The following SCRIB variants were observed in gnomAD, a reference collection of about 807,000 sequenced individuals.
SCRIB encodes the protein protein scribble homolog.
Under a neutral mutation model 170.0 loss-of-function variants are expected in SCRIB, and 72 were observed. That is an observed-to-expected ratio of 0.42 (90% CI 0.35 to 0.52). The LOEUF (loss-of-function observed/expected upper bound fraction) is 0.52. Among genes scored for constraint, SCRIB ranks in the 20% least tolerant of loss-of-function variants. The probability of loss-of-function intolerance (pLI) is 0.02; values close to 1 mark genes in which losing one functional copy is unlikely to be tolerated. For missense variants in SCRIB, 2,475 were observed against 2,338.5 expected (o/e 1.06, Z -1.20); for synonymous variants, 1,298 against 1,044.3 (o/e 1.24, Z -4.68).
rs147900140 is a variant in SCRIB, at chr8:143,809,258, G to C, written c.1699-233C>G. ...GGTGGAAACGAAGGGGTGCGCCAAG[G>C]CCTCACACCAGGGAGCCCACGGGGG... On this transcript the variant is annotated intron_variant, in intron 14 of 36. Coordinates refer to ENST00000356994, the MANE Select transcript of SCRIB (RefSeq NM_182706.5). Among the ~76,000 whole-genome samples, 37 of 152,212 alleles carry C rather than the reference G, an allele frequency of 2.4e-4. 1 individual carries two copies. In the East Asian group the frequency reaches 7.0e-3, roughly 29 times the overall value.
At chr8:143,792,669 G>C in intron 30 of SCRIB, 34 bp from the exon 31 acceptor site, 1 of 1,591,742 alleles carries the variant, frequency 6.3e-7, no homozygotes, top group Non-Finnish European at 8.5e-7. Context: ...GGCCAGACCA[G>C]CCGAGACCCA....
rs1816067571 is a variant in SCRIB, at chr8:143,815,709, T to C, written c.-337A>G. Reference sequence around the variant, plus strand: ...CGCTGTGCCGCACCGGAACCGCCGCTGCCCGCCGGACTGCCCCGCCGACAC... The same window carrying C: ...CGCTGTGCCGCACCGGAACCGCCGCCGCCCGCCGGACTGCCCCGCCGACAC... On this transcript the variant is annotated 5_prime_UTR_variant, in exon 1 of 37. Transcript: ENST00000356994. The C allele has an allele frequency of 2.0e-6, 2 of 982,836 alleles. No individual in the cohort carries two copies. The highest frequency in any genetic ancestry group is 1.2e-4 in the Admixed American group (2 of 16,076). 60.9% of individuals were successfully genotyped at this position (982,836 alleles called of 1,614,324 possible). A position where few individuals can be genotyped will look rare whatever the true frequency, so the allele number is the denominator to read the frequency against.
At position 143,804,656 on chromosome 8, in the gene SCRIB, A is replaced by T; in HGVS notation, c.2921T>A (p.Ile974Lys). Residue 974 changes from isoleucine to lysine, a missense_variant, in exon 21 of 37, where the codon ATA (isoleucine) becomes AAA (lysine). This residue lies in a region of SCRIB where 1,966 missense variants were observed against 1,742.9 expected (regional missense o/e 1.13). Coordinates refer to ENST00000356994, the MANE Select transcript of SCRIB (RefSeq NM_182706.5). ...AGGCACCCCGGGGGTGGCAGTGGTT[A>T]TGCTGGTGGTGGCAACAGCAGCGGT... ...PPTAAVATTS[I>K]TTATPGVPGL... The T allele has an allele frequency of 6.5e-7, 1 of 1,545,514 alleles. No homozygotes were observed. Among genetic ancestry groups the T allele is most frequent in the African/African-American group, 1.4e-5 (1 of 73,248 alleles).
Position 143,809,126 on chromosome 8 carries a change from C to T in SCRIB, c.1699-101G>A, listed in dbSNP as rs1313670249. ...GGCCACAGACGGGCTCCGAAAGCCTCCCCGCCACACAAAGACTCAGCACTA... is the reference window on the plus strand; with the variant it reads ...GGCCACAGACGGGCTCCGAAAGCCTTCCCGCCACACAAAGACTCAGCACTA... On this transcript the variant is annotated intron_variant, in intron 14 of 36. Coordinates refer to ENST00000356994, the MANE Select transcript of SCRIB (RefSeq NM_182706.5). The T allele has an allele frequency of 1.1e-5, 16 of 1,428,966 alleles. No individual in the cohort carries two copies. The South Asian group carries it at 2.2e-4, about 20-fold the overall frequency. The allele number at this position is 1,428,966 out of a possible 1,614,324, so 88.5% of individuals were successfully genotyped here.
chr8:143,814,479 C>T (rs781167769), intron 1 of SCRIB, among the ~76,000 whole-genome samples: 15 of 152,106 alleles, frequency 9.9e-5, no homozygotes, highest in Non-Finnish European at 1.9e-4. Context: ...GCTACTGCAT[C>T]CTGACAACAA....
At position 143,792,802 on chromosome 8, in the gene SCRIB, A is replaced by C; in HGVS notation, c.4083T>G (p.Phe1361Leu). ...CCTGGGGCACGCGCACCTCCAGCTC[A>C]AAGTACTTCTGCCGCTCCCGGAAGG... is the stretch of plus-strand genomic sequence containing the variant. Reference protein sequence around the residue: ...QLSFRERQKYFELEVRVPQAE... With the variant: ...QLSFRERQKYLELEVRVPQAE... Residue 1361 changes from phenylalanine (F) to leucine (L), a missense_variant, in exon 30 of 37, where the codon TTT becomes TTG. Around this residue, in one of 3 missense-constraint regions of SCRIB, gnomAD observed 1,966 missense variants for 1,742.9 expected, o/e 1.13. Coordinates refer to ENST00000356994, the MANE Select transcript of SCRIB (RefSeq NM_182706.5). 6.4e-7 allele frequency: 1 copy of C among 1,566,106 alleles called. No homozygotes were observed. Among genetic ancestry groups the C allele is most frequent in the Non-Finnish European group, 8.6e-7 (1 of 1,158,034 alleles).
At chr8:143,796,853 T>C (rs1178412629) in intron 24 of SCRIB, among the ~76,000 whole-genome samples, 1 of 152,170 alleles carries the variant, frequency 6.6e-6, no homozygotes, top group Admixed American at 6.5e-5. Flanking sequence ...CGGCCTCTCA[T>C]GTCAGAGAGA....
At position 143,795,018 on chromosome 8, in the gene SCRIB, A is replaced by T; in HGVS notation, c.3846+20T>A. The T allele has an allele frequency of 6.2e-7, 1 of 1,604,986 alleles. No individual in the cohort carries two copies. On this transcript the variant is annotated intron_variant, in intron 27 of 36. Coordinates refer to ENST00000356994, the MANE Select transcript of SCRIB (RefSeq NM_182706.5). ...GGACAACAGGACGGAGGTGGGGGGCACTGCACACTGGGCACTCACCCTCTG... is the reference window on the plus strand; with the variant it reads ...GGACAACAGGACGGAGGTGGGGGGCTCTGCACACTGGGCACTCACCCTCTG...
intron 15 of SCRIB, 111 bp downstream of exon 15, chr8:143,808,498 C>A: frequency 7.5e-7 from 1 of 1,335,062 alleles, no homozygotes; most frequent in Non-Finnish European, 1.0e-6. Flanking sequence ...CCACCTTCTC[C>A]GGGTGGCCAG....
rs1264330178 is a variant in SCRIB at position 143,813,036 on chromosome 8, C to T, written c.636G>A (p.Leu212=). The change falls in exon 7 of 37, where the codon CTG becomes CTA. Residue 212 remains leucine (L), a synonymous_variant. Coordinates refer to ENST00000356994, the MANE Select transcript of SCRIB (RefSeq NM_182706.5). ...LWLDRNQLSA[L]PPELGNLRRL... ...CAGCCCCACCCTGACTCACCGGGGGCAGTGCTGACAGCTGGTTCCGGTCAA... is the reference window on the plus strand; with the variant it reads ...CAGCCCCACCCTGACTCACCGGGGGTAGTGCTGACAGCTGGTTCCGGTCAA... 8 of 1,598,032 alleles carry T rather than the reference C, an allele frequency of 5.0e-6. No homozygotes were observed. The highest frequency in any genetic ancestry group is 1.7e-4 in the Middle Eastern group (1 of 6,026).
intron 19 of SCRIB, 38 bp downstream of exon 19, chr8:143,805,074 C>A: frequency 6.3e-7 from 1 of 1,588,808 alleles, no homozygotes; most frequent in African/African-American, 1.3e-5. Flanking sequence ...GCTGTCAGCT[C>A]TAGAGCAGCC....
chr8:143,797,114 G>T (rs1246571520), intron 24 of SCRIB, among the ~76,000 whole-genome samples: 2 of 152,194 alleles, frequency 1.3e-5, no homozygotes, highest in Non-Finnish European at 2.9e-5. Context: ...GCTGGGCAGG[G>T]TATGGAGAGA....
At chr8:143,800,860 C>A (rs73373181) in intron 24 of SCRIB, among the ~76,000 whole-genome samples, 12 of 152,240 alleles carry the variant, frequency 7.9e-5, no homozygotes, top group African/African-American at 2.9e-4. Flanking sequence ...GGCGACAGAG[C>A]GAGACCCTTT....
At chr8:143,809,363 C>T (rs1815596503) in intron 14 of SCRIB, among the ~76,000 whole-genome samples, 188 bp downstream of exon 14, 1 of 152,116 alleles carries the variant, frequency 6.6e-6, no homozygotes, top group African/African-American at 2.4e-5. Flanking sequence ...AGGGAGGCAG[C>T]TCTCCAGGGC....
intron 21 of SCRIB, among the ~76,000 whole-genome samples, 196 bp downstream of exon 21, chr8:143,804,372 G>C (rs1381940232): frequency 6.6e-6 from 1 of 152,270 alleles, no homozygotes. Flanking sequence ...CCAGCCAGGA[G>C]ACTGTGTCAA....
rs549056337 is a variant in SCRIB, at chr8:143,806,644, G to A, written c.2269-160C>T. ...GCCACTGTGGGATCCTGAGTGCCAGGGGGTTAGAAGGAGCACGTCAGCCCC... is the reference window on the plus strand; with the variant it reads ...GCCACTGTGGGATCCTGAGTGCCAGAGGGTTAGAAGGAGCACGTCAGCCCC... On this transcript the variant is annotated intron_variant, in intron 17 of 36. Coordinates refer to ENST00000356994, the MANE Select transcript of SCRIB (RefSeq NM_182706.5). Among the ~76,000 whole-genome samples, 24 of 152,362 alleles carry A rather than the reference G, an allele frequency of 1.6e-4. No individual in the cohort carries two copies. In the South Asian group the frequency reaches 4.6e-3, roughly 29 times the overall value.
At chr8:143,806,601 CAGG>C (rs1815436622) in intron 17 of SCRIB, 117 bp from the exon 18 acceptor site, 1 of 823,108 alleles carries the variant, frequency 1.2e-6, no homozygotes, top group Non-Finnish European at 2.0e-6. Flanking sequence ...CCCTGGCCAG[CAGG>C]AGGACTGAGC....
In SCRIB at chr8:143,806,916, G is replaced by A. The variant is rs1554636720; in HGVS notation, c.2268+8C>T. On this transcript the variant is annotated splice_region_variant and intron_variant, in intron 17 of 36. Coordinates refer to ENST00000356994, the MANE Select transcript of SCRIB (RefSeq NM_182706.5). ...GGCAGCGGAAAGGCCCTCCTAGGCA[G>A]TGCTCACCTCGTCGTCCCCCTTATA... 1.2e-6 allele frequency: 2 copies of A among 1,600,596 alleles called. No homozygotes were observed. The highest frequency in any genetic ancestry group is 1.1e-5 in the South Asian group (1 of 89,664).
rs939134300 is a variant in SCRIB at position 143,815,576 on chromosome 8, G to A, written c.-204C>T. On this transcript the variant is annotated 5_prime_UTR_variant, in exon 1 of 37. Coordinates refer to ENST00000356994, the MANE Select transcript of SCRIB (RefSeq NM_182706.5). ...GCTCGGACTGCGGGCCTGGGCAGGG[G>A]GCGCGGCCCGGCGGGTCTCAGACTC... The A allele has an allele frequency of 6.8e-4, 670 of 981,690 alleles. 7 individuals are homozygous for A. The East Asian group carries it at 9.4e-3, about 14-fold the overall frequency. The allele number at this position is 981,690 out of a possible 1,614,324, so 60.8% of individuals were successfully genotyped here.
Sources: allele counts gnomAD v4.1 joint callset (sites outside exome capture counted in the v4.1 genomes callset), GRCh38; gene constraint gnomAD v4.1.1; regional missense constraint gnomAD v4.1.1; transcripts MANE v1.5; gene names NCBI Gene and HGNC (gene_info 2026-07-23, HGNC 2026-07-21).